The following HK1 variants were observed in gnomAD, a reference collection of about 807,000 sequenced individuals.
HK1 encodes the protein hexokinase-1.
Under a neutral mutation model 91.6 loss-of-function variants are expected in HK1, and 28 were observed. The ratio of observed to expected loss-of-function variants is 0.31; its 90% CI spans 0.23 to 0.42. HK1 has a LOEUF of 0.42. HK1 is among the 10% of genes least tolerant of loss of function. The pLI, the probability that HK1 is intolerant of heterozygous loss-of-function variation, is 1.00. For synonymous variants in HK1, 430 were observed against 468.1 expected (o/e 0.92, Z 1.05); for missense variants, 770 against 1,219.8 (o/e 0.63, Z 5.49).
intron 1 of HK1, among the ~76,000 whole-genome samples, chr10:69,276,159 T>TA (rs1564746927): frequency 3.3e-4 from 42 of 125,942 alleles, no homozygotes; most frequent in African/African-American, 1.2e-3. Flanking sequence ...ATATTCTATA[T>TA]TAAATAAGTA....
chr10:69,283,813 A>AG (rs1482201399), intron 2 of HK1, among the ~76,000 whole-genome samples: 4 of 150,550 alleles, frequency 2.7e-5, no homozygotes, highest in African/African-American at 7.3e-5. Flanking sequence ...AAAAAAAAAA[A>AG]AAAAGAAAAG....
intron 3 of HK1, among the ~76,000 whole-genome samples, chr10:69,364,024 G>T (rs1223387545): frequency 2.0e-5 from 3 of 152,188 alleles, no homozygotes; most frequent in African/African-American, 7.2e-5. Context: ...GAGCACACAC[G>T]GTCTCATTTC....
intron 1 of HK1, among the ~76,000 whole-genome samples, chr10:69,331,099 C>T (rs760859554): frequency 6.6e-6 from 1 of 152,222 alleles, no homozygotes; most frequent in South Asian, 2.1e-4. Context: ...AGACTGGTCT[C>T]GAACTCCTGG....
At position 69,377,022 on chromosome 10, in the gene HK1, G is replaced by A; in HGVS notation, c.964G>A (p.Gly322Arg). 6.2e-7 allele frequency: 1 copy of A among 1,614,190 alleles called. No individual in the cohort carries two copies. Among genetic ancestry groups the A allele is most frequent in the Admixed American group, 1.7e-5 (1 of 60,022 alleles). The change falls in exon 8 of 18, where the codon GGG (glycine) becomes AGG (arginine). Residue 322 changes from glycine to arginine, a missense_variant. Physicochemically the swap from Gly to Arg is moderately radical, Grantham distance 125 (BLOSUM62 -2). Transcript: ENST00000359426. ...KMAKEGLLFE[G>R]RITPELLTRG... ...GGCCAAGGAGGGCCTCTTATTTGAAGGGCGGATCACCCCGGAGCTGCTCAC... is the reference window on the plus strand; with the variant it reads ...GGCCAAGGAGGGCCTCTTATTTGAAAGGCGGATCACCCCGGAGCTGCTCAC...
At chr10:69,320,468 G>T (rs1158553493) in intron 1 of HK1, among the ~76,000 whole-genome samples, 1 of 152,176 alleles carries the variant, frequency 6.6e-6, no homozygotes, top group African/African-American at 2.4e-5. Context: ...GCACCCTGGA[G>T]CTTCCCTCTG....
rs767185010 is a variant in HK1, at chr10:69,382,718, G to C, written c.1497G>C (p.Leu499=). Reference sequence around the variant, plus strand: ...TGCGGGCCGAGATGGAGCTGGGGCTGAGGAAGCAGACGCACAACAATGCCG... The same window carrying C: ...TGCGGGCCGAGATGGAGCTGGGGCTCAGGAAGCAGACGCACAACAATGCCG... ...KRMRAEMELG[L]RKQTHNNAVV... Residue 499 remains leucine (L), a synonymous_variant, in exon 10 of 18, where the codon CTG becomes CTC. Coordinates refer to ENST00000359426, the MANE Select transcript of HK1 (RefSeq NM_000188.3). 21 of 1,613,534 alleles carry C rather than the reference G, an allele frequency of 1.3e-5. No homozygotes were observed. Among genetic ancestry groups the C allele is most frequent in the Non-Finnish European group, 1.8e-5 (21 of 1,179,932 alleles).
At position 69,343,722 on chromosome 10, in the gene HK1, C is replaced by T. The variant is rs113039623; in HGVS notation, c.64-105C>T. The T allele has an allele frequency of 2.9e-3, 2,454 of 843,876 alleles. 38 individuals carry two copies. The African/African-American group carries it at 0.035, about 12-fold the overall frequency. The allele number at this position is 843,876 out of a possible 1,614,324, so 52.3% of individuals were successfully genotyped here. On this transcript the variant is annotated intron_variant, in intron 1 of 17. Coordinates refer to ENST00000359426, the MANE Select transcript of HK1 (RefSeq NM_000188.3). The stretch of plus-strand genomic sequence containing the variant: ...TTCCGCCATGCGATGTGCCAGCGTG[C>T]GTGTTCCTGTGCCTGTGGGAGCTGG...
intron 9 of HK1, among the ~76,000 whole-genome samples, 167 bp from the exon 10 acceptor site, chr10:69,382,320 A>G (rs1839428514): frequency 6.6e-6 from 1 of 152,222 alleles, no homozygotes; most frequent in Admixed American, 6.5e-5. Context: ...GGCAGCAGTG[A>G]GCTGTGATTG....
At chr10:69,367,378 G>A (rs1005012987) in intron 4 of HK1, among the ~76,000 whole-genome samples, 1 of 152,194 alleles carries the variant, frequency 6.6e-6, no homozygotes, top group East Asian at 1.9e-4. Flanking sequence ...GGAGCACAGT[G>A]AACCTCAGAG....
At position 69,364,859 on chromosome 10, in the gene HK1, G is replaced by A; in HGVS notation, c.452G>A (p.Gly151Glu). ...RKIKDKKLPV[G>E]FTFSFPCQQS... ...ATCAAGGACAAGAAGTTACCTGTGG[G>A]ATTCACGTTTTCTTTTCCTTGCCAA... The change falls in exon 4 of 18, where the codon GGA becomes GAA. Residue 151 changes from glycine (G) to glutamate (E), a missense_variant. Gly to Glu is a moderately conservative substitution (Grantham distance 98). This residue lies in a region of HK1 where 449 missense variants were observed against 665.1 expected (regional missense o/e 0.68). Transcript: ENST00000359426. The A allele has an allele frequency of 6.2e-7, 1 of 1,614,118 alleles. No homozygotes were observed. The highest frequency in any genetic ancestry group is 8.5e-7 in the Non-Finnish European group (1 of 1,179,982).
In HK1 at chr10:69,382,794, G is replaced by A. The variant is rs759354640; in HGVS notation, c.1570+3G>A. On this transcript the variant is annotated splice_donor_region_variant and intron_variant, in intron 10 of 17. Transcript: ENST00000359426. ...CCGGAGAACTCCCGACGGGACCGGT[G>A]AGGGCCTGCTGGGGGCTGACATGCC... 1 of 1,609,702 alleles carries A rather than the reference G, an allele frequency of 6.2e-7. No individual in the cohort carries two copies. Among genetic ancestry groups the A allele is most frequent in the Non-Finnish European group, 8.5e-7 (1 of 1,178,832 alleles).
chr10:69,354,546 A>G (rs1849037550), intron 2 of HK1, among the ~76,000 whole-genome samples: 1 of 152,210 alleles, frequency 6.6e-6, no homozygotes, highest in African/African-American at 2.4e-5. Context: ...TCCATGATTC[A>G]GTTACCTCCA....
chr10:69,288,690 TGA>T, exon 3 of HK1: 1 of 1,581,360 alleles, frequency 6.3e-7, no homozygotes, highest in Non-Finnish European at 8.7e-7. Flanking sequence ...ACCCAGCTGT[TGA>T]GAGTAGAAAA....
rs988061218 is a variant in HK1 at position 69,389,135 on chromosome 10, G to T, written c.1936-62G>T. The T allele has an allele frequency of 4.7e-6, 6 of 1,279,790 alleles. No individual in the cohort carries two copies. The East Asian group carries it at 1.4e-4, about 30-fold the overall frequency. The allele number at this position is 1,279,790 out of a possible 1,614,324, so 79.3% of individuals were successfully genotyped here. On this transcript the variant is annotated intron_variant, in intron 13 of 17. Transcript: ENST00000359426. ...TGACTGCAGTGCAACAGACAGAACC[G>T]GCAGCATTCAAGCCAGGCATAGTGA...
intron 17 of HK1, 36 bp downstream of exon 17, chr10:69,398,864 G>T: frequency 6.6e-7 from 1 of 1,518,960 alleles, no homozygotes; most frequent in Non-Finnish European, 9.1e-7. Flanking sequence ...CGCAGAGCTT[G>T]CTGGGATCCC....
intron 8 of HK1, among the ~76,000 whole-genome samples, chr10:69,378,465 C>T (rs180752382): frequency 1.4e-3 from 214 of 151,900 alleles, no homozygotes; most frequent in African/African-American, 5.0e-3. Flanking sequence ...AAAGAAAAGA[C>T]GAGAGATAAA....
intron 16 of HK1, 23 bp downstream of exon 16, chr10:69,395,128 G>C: frequency 6.2e-7 from 1 of 1,611,638 alleles, no homozygotes; most frequent in Non-Finnish European, 8.5e-7. Context: ...TGTCTTCCCT[G>C]CCAGCGCCCA....
chr10:69,386,162 G>A (rs935250565), intron 12 of HK1, among the ~76,000 whole-genome samples, 161 bp from the exon 13 acceptor site: 6 of 152,162 alleles, frequency 3.9e-5, no homozygotes, highest in African/African-American at 1.4e-4. Flanking sequence ...TGGTGAGGAG[G>A]GTCTATTCAT....
chr10:69,332,553 TTA>T (rs372894886), intron 1 of HK1, among the ~76,000 whole-genome samples: 6 of 151,880 alleles, frequency 4.0e-5, no homozygotes, highest in African/African-American at 1.5e-4. Context: ...TAACTTTTTT[TTA>T]TAGTTTTAGT....
Sources: gnomAD v4.1 joint callset for allele counts (sites outside exome capture counted in the v4.1 genomes callset) on GRCh38, gnomAD v4.1.1 for gene constraint, gnomAD v4.1.1 regional missense constraint, MANE v1.5 for transcripts, NCBI Gene and HGNC (gene_info 2026-07-23, HGNC 2026-07-21) for gene names.